The following ERAP1 variants were observed in gnomAD, a reference collection of about 807,000 sequenced individuals.
ERAP1 encodes the protein endoplasmic reticulum aminopeptidase 1.
ERAP1 carries 86 observed loss-of-function variants against 103.7 expected under a neutral mutation model. The observed-to-expected ratio is 0.83, with a 90% confidence interval of 0.70 to 0.99. ERAP1 has a LOEUF of 0.99. Ranked by LOEUF, ERAP1 falls within the 50% of genes least tolerant of loss-of-function variation. The probability of loss-of-function intolerance (pLI) is 0.00; values close to 1 mark genes in which losing one functional copy is unlikely to be tolerated. For missense variants in ERAP1, 1,009 were observed against 1,128.4 expected, an observed-to-expected ratio of 0.89 and a Z score of 1.52; for synonymous variants, 398 against 402.4, an observed-to-expected ratio of 0.99 and a Z score of 0.13.
chr5:96,887,796 A>C, the ERAP1 span, among the ~76,000 whole-genome samples: 1 of 152,254 alleles, frequency 6.6e-6, no homozygotes, highest in Non-Finnish European at 1.5e-5. Flanking sequence ...ATAGACTTAA[A>C]AACATTTTTA....
At chr5:96,870,505 C>T in the ERAP1 span, among the ~76,000 whole-genome samples, 1 of 152,140 alleles carries the variant, frequency 6.6e-6, no homozygotes, top group South Asian at 2.1e-4. Flanking sequence ...AACATTTAAA[C>T]CAAAACGAAG....
At chr5:96,782,323 A>T (rs756159487) in intron 15 of ERAP1, among the ~76,000 whole-genome samples, 5 of 151,914 alleles carry the variant, frequency 3.3e-5, no homozygotes, top group Non-Finnish European at 5.9e-5. Context: ...TACACTTTAT[A>T]AAAAAAAGGC....
chr5:96,772,511 A>ATGTT (rs1772815831), downstream of ERAP1: 1 of 152,634 alleles, frequency 6.6e-6, no homozygotes, highest in African/African-American at 2.4e-5. Context: ...ATCCACTTTC[A>ATGTT]TGTTTACTTA....
rs770759585 is a variant in ERAP1 at position 96,774,848 on chromosome 5, G to A, written c.*1548C>T. 1.0e-6 allele frequency: 1 copy of A among 985,356 alleles called. No homozygotes were observed. Among genetic ancestry groups the A allele is most frequent in the Non-Finnish European group, 1.2e-6 (1 of 829,788 alleles). The allele number at this position is 985,356 out of a possible 1,614,324, so 61.0% of individuals were successfully genotyped here. ...TGTTGTAGTGAATGGTTTAATAAAT[G>A]GCAGATTTATGTCCAGAAGTCACTC... On this transcript the variant is annotated 3_prime_UTR_variant, in exon 19 of 19. Transcript: ENST00000443439.
intron 18 of ERAP1, among the ~76,000 whole-genome samples, chr5:96,778,323 G>T (rs1214964415): frequency 6.6e-6 from 1 of 152,206 alleles, no homozygotes; most frequent in African/African-American, 2.4e-5. Context: ...TAGTAACTGA[G>T]GAGATGTGGC....
At chr5:96,906,108 G>T in the ERAP1 span, among the ~76,000 whole-genome samples, 1 of 151,848 alleles carries the variant, frequency 6.6e-6, no homozygotes, top group Admixed American at 6.6e-5. Context: ...ATACTATTTA[G>T]TTCTTTAGTG....
the ERAP1 span, among the ~76,000 whole-genome samples, chr5:96,850,448 C>T: frequency 2.0e-5 from 3 of 152,096 alleles, no homozygotes; most frequent in Non-Finnish European, 1.5e-5. Flanking sequence ...AGACATTTCT[C>T]GTAGAAAGAC....
the ERAP1 span, chr5:96,900,332 T>A: frequency 2.3e-6 from 3 of 1,306,152 alleles, no homozygotes; most frequent in African/African-American, 1.5e-5. Flanking sequence ...AAAACAAAAC[T>A]GAAGGGGAAA....
Position 96,775,199 on chromosome 5 carries a change from T to C in ERAP1, c.*1197A>G, listed in dbSNP as rs1773960629. On this transcript the variant is annotated 3_prime_UTR_variant, in exon 19 of 19. Coordinates refer to ENST00000443439, the MANE Select transcript of ERAP1 (RefSeq NM_001040458.3). ...GTTAGTAAACTGTGCTTTCTATTAT[T>C]ATCATCTATACATAAAACCTGAGCA... The C allele has an allele frequency of 2.0e-6, 2 of 985,426 alleles. No homozygotes were observed. Among genetic ancestry groups the C allele is most frequent in the Admixed American group, 6.1e-5 (1 of 16,264 alleles). 61.0% of individuals were successfully genotyped at this position (985,426 alleles called of 1,614,324 possible).
chr5:96,819,803 T>C, the ERAP1 span, among the ~76,000 whole-genome samples: 2 of 152,202 alleles, frequency 1.3e-5, no homozygotes, highest in African/African-American at 4.8e-5. Context: ...AGTATTCTAG[T>C]ATTTTGTGAG....
At chr5:96,918,154 AT>A in the ERAP1 span, 14 of 152,344 alleles carry the variant, frequency 9.2e-5, no homozygotes. Flanking sequence ...TCAGTATCCT[AT>A]TTAAAAGTAA....
chr5:96,889,240 C>T, the ERAP1 span: 1 of 1,613,824 alleles, frequency 6.2e-7, no homozygotes, highest in Admixed American at 1.7e-5. Flanking sequence ...GCTTTGCAGG[C>T]ATCACTGAAG....
chr5:96,896,532 C>T, the ERAP1 span: 1 of 1,573,838 alleles, frequency 6.4e-7, no homozygotes. Context: ...CAGGTGGAAG[C>T]TCTGCTTTCA....
the ERAP1 span, among the ~76,000 whole-genome samples, chr5:96,927,327 G>GT: frequency 6.6e-5 from 10 of 152,066 alleles, no homozygotes; most frequent in African/African-American, 1.4e-4. Context: ...CTATTATCTG[G>GT]TTTTTTTATT....
At chr5:96,879,876 G>A in the ERAP1 span, 1 of 1,614,120 alleles carries the variant, frequency 6.2e-7, no homozygotes, top group Non-Finnish European at 8.5e-7. Flanking sequence ...CGATTTCCTT[G>A]GCAGGAGCTA....
chr5:96,873,342 A>C, the ERAP1 span: 1 of 456,290 alleles, frequency 2.2e-6, no homozygotes, highest in South Asian at 1.5e-5. Context: ...AAAGAGGTGG[A>C]ATCCTGGTGC....
At chr5:96,825,020 G>A in the ERAP1 span, among the ~76,000 whole-genome samples, 1 of 152,072 alleles carries the variant, frequency 6.6e-6, no homozygotes, top group African/African-American at 2.4e-5. Flanking sequence ...TCCAGCCTGG[G>A]TTACAGAACA....
chr5:96,788,780 T>C (rs1203126396), intron 10 of ERAP1, 95 bp from the exon 11 acceptor site: 2 of 1,486,644 alleles, frequency 1.3e-6, no homozygotes, highest in Admixed American at 3.9e-5. Flanking sequence ...CCGCTACCAG[T>C]TGCCAACCTC....
chr5:96,790,763 T>C (rs1581589962), intron 8 of ERAP1, 120 bp from the exon 9 acceptor site: 2 of 894,484 alleles, frequency 2.2e-6, no homozygotes, highest in South Asian at 3.0e-5. Flanking sequence ...ACACTGTTAA[T>C]GTCTGGCAAT....
Sources: allele counts gnomAD v4.1 joint callset (sites outside exome capture counted in the v4.1 genomes callset), GRCh38; gene constraint gnomAD v4.1.1; transcripts MANE v1.5; gene names NCBI Gene and HGNC (gene_info 2026-07-23, HGNC 2026-07-21).